Variants in KCNIP3 observed in about 807,000 individuals in gnomAD.
KCNIP3 encodes calsenilin.
KCNIP3 carries 28 observed loss-of-function variants against 35.0 expected under a neutral mutation model. The ratio of observed to expected loss-of-function variants is 0.80; its 90% CI spans 0.59 to 1.10. The LOEUF (loss-of-function observed/expected upper bound fraction) is 1.10, where lower values mean the gene tolerates loss of function less well. KCNIP3 is among the 50% of genes least tolerant of loss of function. KCNIP3 has a pLI of 0.00. For synonymous variants in KCNIP3, 134 were observed against 133.8 expected (o/e 1.00, Z -0.01); for missense variants, 295 against 338.4 (o/e 0.87, Z 1.01).
intron 2 of KCNIP3, among the ~76,000 whole-genome samples, chr2:95,322,631 G>A (rs1276330625): frequency 6.6e-6 from 1 of 152,226 alleles, no homozygotes; most frequent in Non-Finnish European, 1.5e-5. Flanking sequence ...TGGTTTCAAG[G>A]CCCTGAGTTG....
intron 1 of KCNIP3, among the ~76,000 whole-genome samples, chr2:95,298,438 C>A (rs1486081008): frequency 6.6e-6 from 1 of 152,070 alleles, no homozygotes; most frequent in Non-Finnish European, 1.5e-5. Flanking sequence ...CACACATGGG[C>A]TCATACTGAC....
chr2:95,367,548 C>G (rs2104292544), intron 2 of KCNIP3, among the ~76,000 whole-genome samples: 1 of 152,258 alleles, frequency 6.6e-6, no homozygotes, highest in Middle Eastern at 3.4e-3. Flanking sequence ...TGATTTCTTT[C>G]ATCAGCATTT....
intron 2 of KCNIP3, among the ~76,000 whole-genome samples, chr2:95,327,707 C>A (rs1678828267): frequency 6.6e-6 from 1 of 152,230 alleles, no homozygotes; most frequent in South Asian, 2.1e-4. Flanking sequence ...TCGCCCCCAT[C>A]TTCCAGGGGA....
At chr2:95,306,495 G>C (rs1166134351) in intron 1 of KCNIP3, among the ~76,000 whole-genome samples, 2 of 152,220 alleles carry the variant, frequency 1.3e-5, no homozygotes, top group African/African-American at 4.8e-5. Flanking sequence ...CAGTTCACAA[G>C]GGCTGGGTGA....
intron 3 of KCNIP3, 88 bp from the exon 4 acceptor site, chr2:95,374,760 G>T: frequency 6.8e-7 from 1 of 1,461,786 alleles, no homozygotes; most frequent in Non-Finnish European, 9.4e-7. Context: ...GCCCCCAAGG[G>T]GGTGGAGAGA....
chr2:95,316,012 G>GTC (rs1558760675), intron 2 of KCNIP3, among the ~76,000 whole-genome samples: 1 of 152,218 alleles, frequency 6.6e-6, no homozygotes. Flanking sequence ...CTGTCTCTCT[G>GTC]TCTCTGTCTC....
chr2:95,318,239 C>A (rs761781652), intron 2 of KCNIP3, among the ~76,000 whole-genome samples: 1 of 152,168 alleles, frequency 6.6e-6, no homozygotes, highest in Non-Finnish European at 1.5e-5. Flanking sequence ...TACACAGACT[C>A]AGGACAAGCC....
chr2:95,373,414 G>GTTTTTT (rs70964869), intron 2 of KCNIP3, among the ~76,000 whole-genome samples: 2 of 59,982 alleles, frequency 3.3e-5, no homozygotes, highest in African/African-American at 6.8e-5. Flanking sequence ...CAAGTTTGTG[G>GTTTTTT]TTTTTTTTTT....
rs1680486614 is a variant in KCNIP3 at position 95,385,704 on chromosome 2, A to G, written c.*1655A>G. 1 of 152,756 alleles carries G rather than the reference A, an allele frequency of 6.5e-6. No homozygotes were observed. Among genetic ancestry groups the G allele is most frequent in the Non-Finnish European group, 1.5e-5 (1 of 68,122 alleles). 9.5% of individuals were successfully genotyped at this position (152,756 alleles called of 1,614,324 possible). A position where few individuals can be genotyped will look rare whatever the true frequency, so the allele number is the denominator to read the frequency against. On this transcript the variant is annotated 3_prime_UTR_variant, in exon 9 of 9. Coordinates refer to ENST00000295225, the MANE Select transcript of KCNIP3 (RefSeq NM_013434.5). ...AGCCTGGCCTCCCCTGCGGAGCTGC[A>G]TGGACGCCTGGCTCCAGGCTCCAGG...
intron 2 of KCNIP3, among the ~76,000 whole-genome samples, chr2:95,370,769 C>CT (rs952066845): frequency 8.7e-5 from 13 of 149,136 alleles, no homozygotes; most frequent in Admixed American, 2.0e-4. Flanking sequence ...ATTTTTTTTT[C>CT]TTTTTTTTTG....
intron 2 of KCNIP3, among the ~76,000 whole-genome samples, chr2:95,357,127 C>T (rs1164778091): frequency 3.3e-5 from 5 of 152,242 alleles, no homozygotes; most frequent in Non-Finnish European, 7.3e-5. Flanking sequence ...GCTCTACTGT[C>T]ACATACCTAG....
chr2:95,315,999 A>G lies in KCNIP3; in HGVS notation c.181+5479A>G, dbSNP rs562608312. Among the ~76,000 whole-genome samples the G allele has an allele frequency of 1.4e-4, 22 of 152,126 alleles. No homozygotes were observed. In the South Asian group the frequency reaches 4.4e-3, roughly 30 times the overall value. ...GGTGTTTCGGGGCTCATGGCCACCT[A>G]CTCTGTCTCTCTGTCTCTGTCTCTC... On this transcript the variant is annotated intron_variant, in intron 2 of 8. Transcript: ENST00000295225.
At chr2:95,374,050 G>A (rs141829995) in intron 2 of KCNIP3, among the ~76,000 whole-genome samples, 1 of 152,238 alleles carries the variant, frequency 6.6e-6, no homozygotes, top group African/African-American at 2.4e-5. Flanking sequence ...TGACAGGGGG[G>A]CACACTGCAG....
intron 1 of KCNIP3, among the ~76,000 whole-genome samples, chr2:95,304,362 G>A (rs1337189009): frequency 2.0e-5 from 3 of 152,214 alleles, no homozygotes; most frequent in Admixed American, 6.5e-5. Context: ...AGGCAGCAGC[G>A]ATAAACTCCC....
At chr2:95,332,498 C>A (rs1678957064) in intron 2 of KCNIP3, among the ~76,000 whole-genome samples, 1 of 152,240 alleles carries the variant, frequency 6.6e-6, no homozygotes, top group South Asian at 2.1e-4. Flanking sequence ...GAGAGTTCAG[C>A]ATGCTCATCT....
chr2:95,322,227 G>A (rs1334985296), intron 2 of KCNIP3, among the ~76,000 whole-genome samples: 1 of 152,134 alleles, frequency 6.6e-6, no homozygotes. Context: ...AGCCGGACAT[G>A]GTGACACACA....
chr2:95,328,950 G>A (rs1010383125), intron 2 of KCNIP3, among the ~76,000 whole-genome samples: 7 of 152,312 alleles, frequency 4.6e-5, no homozygotes, highest in Middle Eastern at 3.4e-3. Flanking sequence ...ATGGAAGGAA[G>A]AGGGGAGCTG....
intron 2 of KCNIP3, among the ~76,000 whole-genome samples, chr2:95,360,910 A>C (rs1244941207): frequency 6.6e-6 from 1 of 152,242 alleles, no homozygotes; most frequent in Non-Finnish European, 1.5e-5. Flanking sequence ...AAATTTCAAC[A>C]TGAGTTTTGG....
chr2:95,348,476 A>T (rs943375082), intron 2 of KCNIP3, among the ~76,000 whole-genome samples: 1 of 152,144 alleles, frequency 6.6e-6, no homozygotes, highest in African/African-American at 2.4e-5. Flanking sequence ...TGGCTGGTGC[A>T]CAGGGAAGCT....
Sources: gnomAD v4.1 joint callset for allele counts (sites outside exome capture counted in the v4.1 genomes callset) on GRCh38, gnomAD v4.1.1 for gene constraint, MANE v1.5 for transcripts, NCBI Gene and HGNC (gene_info 2026-07-23, HGNC 2026-07-21) for gene names.